ZNF8: variants seen among roughly 807,000 people sequenced by gnomAD.
ZNF8 encodes the protein zinc finger protein 8, also known as zinc finger protein 272.
In ZNF8, 9 loss-of-function variants were observed where a neutral mutation model predicts 12.2. The observed-to-expected ratio is 0.73, with a 90% confidence interval of 0.44 to 1.28. The LOEUF (loss-of-function observed/expected upper bound fraction) is 1.28, where lower values mean the gene tolerates loss of function less well. ZNF8 is among the 50% of genes most tolerant of loss of function. ZNF8 has a pLI of 0.00. For synonymous variants in ZNF8, 274 were observed against 282.3 expected, an observed-to-expected ratio of 0.97 and a Z score of 0.30; for missense variants, 664 against 729.1, an observed-to-expected ratio of 0.91 and a Z score of 1.03.
intron 1 of ZNF8, among the ~76,000 whole-genome samples, chr19:58,283,623 G>A (rs983987341): frequency 2.3e-5 from 3 of 131,168 alleles, no homozygotes; most frequent in East Asian, 2.1e-4. Context: ...TTTTTGAGTC[G>A]GAGTCTCACT....
At position 58,286,121 on chromosome 19, in the gene ZNF8, C is replaced by A; in HGVS notation, c.205C>A (p.Pro69Thr). Residue 69 changes from proline to threonine, a missense_variant, in exon 3 of 4, where the codon CCG (proline) becomes ACG (threonine). Pro to Thr is a conservative substitution (Grantham distance 38). Around this residue, in one of 3 missense-constraint regions of ZNF8, gnomAD observed 306 missense variants for 308.7 expected, o/e 0.99. Transcript: ENST00000621650. ...TTCCCCATTTCCAGGTCCTGAGCTT[C>A]CGAAGCCTGAAGTCATCTCCCAGCT... ...GHLLSIGPEL[P>T]KPEVISQLEQ... is the part of the protein sequence containing the mutation. The A allele has an allele frequency of 6.2e-7, 1 of 1,614,100 alleles. No homozygotes were observed. Among genetic ancestry groups the A allele is most frequent in the Non-Finnish European group, 8.5e-7 (1 of 1,180,018 alleles).
At position 58,299,329 on chromosome 19, in the gene ZNF8, G is replaced by A. The variant is rs1020567892; in HGVS notation, c.*3793G>A. 1 of 151,098 alleles carries A rather than the reference G, an allele frequency of 6.6e-6. No individual in the cohort carries two copies. Among genetic ancestry groups the A allele is most frequent in the Non-Finnish European group, 1.5e-5 (1 of 67,778 alleles). The allele number at this position is 151,098 out of a possible 1,614,324, so 9.4% of individuals were successfully genotyped here. A position where few individuals can be genotyped will look rare whatever the true frequency, so the allele number is the denominator to read the frequency against. On this transcript the variant is annotated 3_prime_UTR_variant, in exon 4 of 4. Transcript: ENST00000621650. ...GGGTTTCACCCTGTTAGCCAGGATG[G>A]TCTCAATCTCCTGACCTCGTGATCC...
Position 58,285,830 on chromosome 19 carries a change from C to T in ZNF8, c.180C>T (p.His60=), listed in dbSNP as rs767032929. 14 of 1,612,322 alleles carry T rather than the reference C, an allele frequency of 8.7e-6. No individual in the cohort carries two copies. Among genetic ancestry groups the T allele is most frequent in the Non-Finnish European group, 1.2e-5 (14 of 1,179,030 alleles). ...YRDVMLETFG[H]LLSIGPELPK... is the part of the protein sequence containing the mutation. ...ACGTGATGCTGGAGACCTTTGGTCA[C>T]CTGCTCTCCATAGGTAAGCCCTGCT... The change falls in exon 2 of 4, where the codon CAC becomes CAT. Residue 60 remains histidine (H), a synonymous_variant. Coordinates refer to ENST00000621650, the MANE Select transcript of ZNF8 (RefSeq NM_021089.3).
At chr19:58,283,337 G>A (rs1173095605) in intron 1 of ZNF8, among the ~76,000 whole-genome samples, 1 of 152,104 alleles carries the variant, frequency 6.6e-6, no homozygotes, top group East Asian at 1.9e-4. Flanking sequence ...TAGTTTGAAT[G>A]TGTCTCCCAA....
rs2051379694 is a variant in ZNF8, at chr19:58,285,837, T to G, written c.187T>G (p.Ser63Ala). 6.2e-7 allele frequency: 1 copy of G among 1,610,888 alleles called. No individual in the cohort carries two copies. The highest frequency in any genetic ancestry group is 1.1e-5 in the South Asian group (1 of 90,722). The change falls in exon 2 of 4, where the codon TCC becomes GCC. Residue 63 changes from serine to alanine, a missense_variant. Physicochemically the swap from Ser to Ala is moderately conservative, Grantham distance 99. This residue lies in a region of ZNF8 where 306 missense variants were observed against 308.7 expected (regional missense o/e 0.99). Transcript: ENST00000621650. The stretch of plus-strand genomic sequence containing the variant: ...GCTGGAGACCTTTGGTCACCTGCTC[T>G]CCATAGGTAAGCCCTGCTTCGCAAG... ...VMLETFGHLL[S>A]IGPELPKPEV...
rs2051491087 is a variant in ZNF8, at chr19:58,301,437, A to C, written c.*5901A>C. 1 of 152,280 alleles carries C rather than the reference A, an allele frequency of 6.6e-6. No individual in the cohort carries two copies. The highest frequency in any genetic ancestry group is 2.4e-5 in the African/African-American group (1 of 41,470). 9.4% of individuals were successfully genotyped at this position (152,280 alleles called of 1,614,324 possible). On this transcript the variant is annotated 3_prime_UTR_variant, in exon 4 of 4. Transcript: ENST00000621650. Reference sequence around the variant, plus strand: ...AAGTGGCCCAGCCAGAGTGTGAACCAAACAGTCTGGTACCAAAACCCTATT... The same window carrying C: ...AAGTGGCCCAGCCAGAGTGTGAACCCAACAGTCTGGTACCAAAACCCTATT...
At chr19:58,282,227 A>C (rs1470212949) in intron 1 of ZNF8, among the ~76,000 whole-genome samples, 1 of 152,192 alleles carries the variant, frequency 6.6e-6, no homozygotes, top group East Asian at 1.9e-4. Context: ...CTGATGACTA[A>C]TGATGTTGAA....
At chr19:58,286,271 A>G in intron 3 of ZNF8, 66 bp downstream of exon 3, 1 of 1,432,760 alleles carries the variant, frequency 7.0e-7, no homozygotes, top group Non-Finnish European at 9.7e-7. Flanking sequence ...GATGCACTTC[A>G]TGGAAAGGGT....
chr19:58,292,060 A>AG (rs1475439243), intron 3 of ZNF8, among the ~76,000 whole-genome samples: 1 of 152,036 alleles, frequency 6.6e-6, no homozygotes, highest in Non-Finnish European at 1.5e-5. Context: ...AGTGGGGAGG[A>AG]GGGTGGGTCT....
At chr19:58,293,736 C>T (rs1021862435) in intron 3 of ZNF8, among the ~76,000 whole-genome samples, 3 of 152,178 alleles carry the variant, frequency 2.0e-5, no homozygotes, top group South Asian at 4.1e-4. Context: ...CGGGAAGATG[C>T]AAGGATTTTC....
In ZNF8 at chr19:58,302,044, C is replaced by A. The variant is rs1301230851; in HGVS notation, c.*6508C>A. ...TCATTAAAAATGAAGACTCTATATA[C>A]AGCTTGAATATTCCTTATCGAAATG... On this transcript the variant is annotated 3_prime_UTR_variant, in exon 4 of 4. Transcript: ENST00000621650. The A allele has an allele frequency of 6.6e-6, 1 of 152,162 alleles. No individual in the cohort carries two copies. Among genetic ancestry groups the A allele is most frequent in the Non-Finnish European group, 1.5e-5 (1 of 68,032 alleles). The allele number at this position is 152,162 out of a possible 1,614,324, so 9.4% of individuals were successfully genotyped here.
Position 58,295,786 on chromosome 19 carries a change from C to T in ZNF8, c.*250C>T, listed in dbSNP as rs1184437697. 4.4e-6 allele frequency: 2 copies of T among 457,542 alleles called. No homozygotes were observed. The highest frequency in any genetic ancestry group is 7.7e-6 in the Non-Finnish European group (2 of 259,434). 28.3% of individuals were successfully genotyped at this position (457,542 alleles called of 1,614,324 possible). ...GTGAGTTCACAGGTAATATAACCTA[C>T]CCACCTGTGTAATGTCAAAAAAAAT... is the stretch of plus-strand genomic sequence containing the variant. On this transcript the variant is annotated 3_prime_UTR_variant, in exon 4 of 4. Transcript: ENST00000621650.
rs2051449104 is a variant in ZNF8 at position 58,295,523 on chromosome 19, G to A, written c.1715G>A (p.Arg572Lys). ...GGTGCTTCCATGTTATTTGACATCA[G>A]AGAATCCACATAGGAGAGAAACTTT... ...SVGASMLFDIREST is the reference protein window; with the variant it reads ...SVGASMLFDIKEST Residue 572 changes from arginine (R) to lysine (K), a missense_variant, in exon 4 of 4, where the codon AGA (arginine) becomes AAA (lysine). Arg to Lys is a conservative substitution (Grantham distance 26). Around this residue, in one of 3 missense-constraint regions of ZNF8, gnomAD observed 225 missense variants for 222.0 expected, o/e 1.01. Coordinates refer to ENST00000621650, the MANE Select transcript of ZNF8 (RefSeq NM_021089.3). 6.2e-7 allele frequency: 1 copy of A among 1,601,594 alleles called. No individual in the cohort carries two copies. The highest frequency in any genetic ancestry group is 2.2e-5 in the East Asian group (1 of 44,696).
At chr19:58,290,543 T>C (rs1263716645) in intron 3 of ZNF8, among the ~76,000 whole-genome samples, 2 of 152,152 alleles carry the variant, frequency 1.3e-5, no homozygotes, top group African/African-American at 4.8e-5. Context: ...AATTTTTTTT[T>C]TATTATTTTT....
chr19:58,291,364 C>G (rs1397702561), intron 3 of ZNF8, among the ~76,000 whole-genome samples: 1 of 152,204 alleles, frequency 6.6e-6, no homozygotes, highest in Non-Finnish European at 1.5e-5. Context: ...GAGTTGGAGC[C>G]TGTCTCAACC....
At position 58,297,718 on chromosome 19, in the gene ZNF8, T is replaced by C. The variant is rs1165224098; in HGVS notation, c.*2182T>C. 1 of 152,220 alleles carries C rather than the reference T, an allele frequency of 6.6e-6. No homozygotes were observed. The highest frequency in any genetic ancestry group is 1.9e-4 in the East Asian group (1 of 5,194). The allele number at this position is 152,220 out of a possible 1,614,324, so 9.4% of individuals were successfully genotyped here. ...TTTCTGAGTAACCTTTAAGGATGTA[T>C]TGTGGACATTTTCAAACATGAGTCA... On this transcript the variant is annotated 3_prime_UTR_variant, in exon 4 of 4. Transcript: ENST00000621650.
chr19:58,285,396 G>A (rs180860852), intron 1 of ZNF8, among the ~76,000 whole-genome samples: 3 of 152,342 alleles, frequency 2.0e-5, no homozygotes, highest in Admixed American at 2.0e-4. Context: ...ACTTAAAACA[G>A]TAACTGTTTC....
chr19:58,289,588 C>T lies in ZNF8; in HGVS notation c.289+3383C>T, dbSNP rs576306940. Among the ~76,000 whole-genome samples the T allele has an allele frequency of 1.6e-4, 25 of 152,022 alleles. No individual in the cohort carries two copies. The South Asian group carries it at 4.2e-3, about 25-fold the overall frequency. ...GGTTCATCAGGGCTAGTTCCTCTGA[C>T]GGCGCCCAGAGAGAATGCATTTCTG... On this transcript the variant is annotated intron_variant, in intron 3 of 3. Transcript: ENST00000621650.
rs1302576787 is a variant in ZNF8 at position 58,300,323 on chromosome 19, C to G, written c.*4787C>G. 6.6e-6 allele frequency: 1 copy of G among 152,248 alleles called. No homozygotes were observed. Among genetic ancestry groups the G allele is most frequent in the Non-Finnish European group, 1.5e-5 (1 of 68,066 alleles). The allele number at this position is 152,248 out of a possible 1,614,324, so 9.4% of individuals were successfully genotyped here. Reference sequence around the variant, plus strand: ...ACAGTCGATGTTTTCTGCAATCTCTCAACCTTTCCATTGTGGTCATGAGGA... The same window carrying G: ...ACAGTCGATGTTTTCTGCAATCTCTGAACCTTTCCATTGTGGTCATGAGGA... On this transcript the variant is annotated 3_prime_UTR_variant, in exon 4 of 4. Coordinates refer to ENST00000621650, the MANE Select transcript of ZNF8 (RefSeq NM_021089.3).
Sources: allele counts gnomAD v4.1 joint callset (sites outside exome capture counted in the v4.1 genomes callset), GRCh38; gene constraint gnomAD v4.1.1; regional missense constraint gnomAD v4.1.1; transcripts MANE v1.5; gene names NCBI Gene and HGNC (gene_info 2026-07-23, HGNC 2026-07-21).